PRR5L: variants seen among roughly 807,000 people sequenced by gnomAD.
PRR5L encodes proline rich 5 like.
Under a neutral mutation model 36.4 loss-of-function variants are expected in PRR5L, and 21 were observed. That is an observed-to-expected ratio of 0.58 (90% confidence interval 0.41 to 0.83). The LOEUF (loss-of-function observed/expected upper bound fraction) is 0.83. Among genes scored for constraint, PRR5L ranks in the 40% least tolerant of loss-of-function variants. The probability of loss-of-function intolerance (pLI) is 0.00; values close to 1 mark genes in which losing one functional copy is unlikely to be tolerated. For synonymous variants in PRR5L, 188 were observed against 197.0 expected, an observed-to-expected ratio of 0.95 and a Z score of 0.38; for missense variants, 381 against 473.3, an observed-to-expected ratio of 0.80 and a Z score of 1.81.
chr11:36,391,953 C>T (rs574018361), intron 1 of PRR5L, among the ~76,000 whole-genome samples: 1 of 152,190 alleles, frequency 6.6e-6, no homozygotes, highest in Admixed American at 6.5e-5. Flanking sequence ...TAACATCCCC[C>T]CTTCCTCCCA....
intron 7 of PRR5L, among the ~76,000 whole-genome samples, chr11:36,450,842 C>T (rs190195825): frequency 1.3e-5 from 2 of 152,294 alleles, no homozygotes; most frequent in Admixed American, 6.5e-5. Context: ...AGGAGACCTC[C>T]GTGCATTAAT....
At chr11:36,368,574 G>T (rs1279905446) in intron 1 of PRR5L, among the ~76,000 whole-genome samples, 1 of 152,172 alleles carries the variant, frequency 6.6e-6, no homozygotes, top group East Asian at 1.9e-4. Flanking sequence ...AGAAAACTAA[G>T]ATATTATTCA....
intron 1 of PRR5L, among the ~76,000 whole-genome samples, chr11:36,399,350 G>C (rs959270766): frequency 6.6e-6 from 1 of 152,114 alleles, no homozygotes; most frequent in Non-Finnish European, 1.5e-5. Flanking sequence ...CTGCCTCTTC[G>C]TATTACAAGT....
intron 4 of PRR5L, among the ~76,000 whole-genome samples, chr11:36,422,064 A>T (rs1199149394): frequency 6.6e-6 from 1 of 152,224 alleles, no homozygotes; most frequent in African/African-American, 2.4e-5. Flanking sequence ...TATAAGAAAA[A>T]TAGTATGCAA....
At position 36,403,431 on chromosome 11, in the gene PRR5L, G is replaced by C. The variant is rs551589173; in HGVS notation, c.245+53G>C. ...TTTTCCCCTATAAACCTGAGCAGGGGCATAGGGGCTACCGCCTTAGGAGCC... is the reference window on the plus strand; with the variant it reads ...TTTTCCCCTATAAACCTGAGCAGGGCCATAGGGGCTACCGCCTTAGGAGCC... On this transcript the variant is annotated intron_variant, in intron 3 of 8. Coordinates refer to ENST00000530639, the MANE Select transcript of PRR5L (RefSeq NM_001160167.2). The C allele has an allele frequency of 2.9e-5, 42 of 1,430,632 alleles. No individual in the cohort carries two copies. In the African/African-American group the frequency reaches 5.3e-4, roughly 18 times the overall value. 88.6% of individuals were successfully genotyped at this position (1,430,632 alleles called of 1,614,324 possible).
At chr11:36,451,187 A>T in intron 7 of PRR5L, 22 bp from the exon 8 acceptor site, 1 of 1,613,732 alleles carries the variant, frequency 6.2e-7, no homozygotes, top group Non-Finnish European at 8.5e-7. Flanking sequence ...ACCTTTGTGT[A>T]TCTTGGCTGT....
chr11:36,381,048 G>A (rs1026291533), intron 1 of PRR5L, among the ~76,000 whole-genome samples: 1 of 152,164 alleles, frequency 6.6e-6, no homozygotes, highest in Non-Finnish European at 1.5e-5. Flanking sequence ...ATAAAATTAT[G>A]TATTTACTCG....
chr11:36,384,836 CT>C (rs370922452), intron 1 of PRR5L, among the ~76,000 whole-genome samples: 24,690 of 133,066 alleles, frequency 0.19, 2,487 homozygotes, highest in East Asian at 0.46. Context: ...CCATGCCTGG[CT>C]TTTTTTTTTT....
Position 36,361,589 on chromosome 11 carries a change from G to C in PRR5L, c.-125-39408G>C, listed in dbSNP as rs147860817. ...AGTCACTGATCTCTAGGTATTTACTGTTTCTACCAGAGGAAAGAAATCATT... is the reference window on the plus strand; with the variant it reads ...AGTCACTGATCTCTAGGTATTTACTCTTTCTACCAGAGGAAAGAAATCATT... On this transcript the variant is annotated intron_variant, in intron 1 of 8. Transcript: ENST00000530639. Among the ~76,000 whole-genome samples the C allele has an allele frequency of 3.9e-5, 6 of 152,266 alleles. 1 individual carries two copies. Among genetic ancestry groups the C allele is most frequent in the African/African-American group, 1.2e-4 (5 of 41,548 alleles).
chr11:36,403,594 T>C (rs1857847723), intron 3 of PRR5L, among the ~76,000 whole-genome samples: 1 of 152,086 alleles, frequency 6.6e-6, no homozygotes, highest in Non-Finnish European at 1.5e-5. Flanking sequence ...GTTCAGTATG[T>C]AGTGTGTTTT....
Position 36,350,952 on chromosome 11 carries a change from T to A in PRR5L, c.-125-50045T>A, listed in dbSNP as rs905423819. Among the ~76,000 whole-genome samples, 16 of 36,298 alleles carry A rather than the reference T, an allele frequency of 4.4e-4. 1 individual carries two copies. The highest frequency in any genetic ancestry group is 1.5e-3 in the East Asian group (4 of 2,758). The allele number at this position is 36,298 out of a possible 152,430, so 23.8% of individuals were successfully genotyped here. ...TATTTATATATTTATATATATATAT[T>A]TATATATATTTATATATTTATATAT... On this transcript the variant is annotated intron_variant, in intron 1 of 8. Transcript: ENST00000530639.
At chr11:36,370,607 C>A (rs1197497953) in intron 1 of PRR5L, among the ~76,000 whole-genome samples, 2 of 152,122 alleles carry the variant, frequency 1.3e-5, no homozygotes, top group African/African-American at 4.8e-5. Flanking sequence ...AGAGGCCGGG[C>A]GAGGTGGCTC....
chr11:36,411,813 A>T (rs1269067159), intron 3 of PRR5L, among the ~76,000 whole-genome samples: 1 of 152,034 alleles, frequency 6.6e-6, no homozygotes, highest in Admixed American at 6.6e-5. Context: ...CTAACATATT[A>T]CCTGCTTTAT....
chr11:36,313,399 C>T (rs755918140), intron 1 of PRR5L, among the ~76,000 whole-genome samples: 3 of 152,132 alleles, frequency 2.0e-5, no homozygotes, highest in South Asian at 2.1e-4. Context: ...CGCCAATATT[C>T]GGGGCTCAAA....
At chr11:36,301,299 G>T (rs1380325093) in intron 1 of PRR5L, among the ~76,000 whole-genome samples, 3 of 152,170 alleles carry the variant, frequency 2.0e-5, no homozygotes, top group Non-Finnish European at 2.9e-5. Context: ...GCAGAGTTGT[G>T]ACCAGAGTGG....
intron 1 of PRR5L, among the ~76,000 whole-genome samples, chr11:36,395,893 T>C (rs1857649140): frequency 6.6e-6 from 1 of 152,044 alleles, no homozygotes; most frequent in African/African-American, 2.4e-5. Context: ...GAATAATTTA[T>C]TTTTATTTTT....
chr11:36,460,948 T>C (rs1168320879), intron 8 of PRR5L, among the ~76,000 whole-genome samples: 2 of 152,338 alleles, frequency 1.3e-5, no homozygotes. Context: ...AGTTCTGCCA[T>C]CCTAAAGGTC....
In PRR5L at chr11:36,361,231, A is replaced by C. The variant is rs140509725; in HGVS notation, c.-125-39766A>C. Among the ~76,000 whole-genome samples the C allele has an allele frequency of 2.9e-3, 441 of 152,312 alleles. 1 individual carries two copies. The highest frequency in any genetic ancestry group is 5.2e-3 in the Non-Finnish European group (356 of 68,020). On this transcript the variant is annotated intron_variant, in intron 1 of 8. Coordinates refer to ENST00000530639, the MANE Select transcript of PRR5L (RefSeq NM_001160167.2). ...GGAGGTGACATGGCATTGGTATTGC[A>C]ACAGACTAAGTGCACAGCAGATACG...
chr11:36,431,866 C>A lies in PRR5L; in HGVS notation c.308C>A (p.Ala103Glu). Reference protein sequence around the residue: ...ITDYFQNQLLAKGLFFVEEKI... With the variant: ...ITDYFQNQLLEKGLFFVEEKI... ...CTCTTTTGGCAGAACCAGCTTCTTG[C>A]AAAAGGACTGTTCTTTGTGGAGGAG... Residue 103 changes from alanine (A) to glutamate (E), a missense_variant, in exon 5 of 9, where the codon GCA (alanine) becomes GAA (glutamate). Transcript: ENST00000530639. 6.2e-7 allele frequency: 1 copy of A among 1,614,124 alleles called. No individual in the cohort carries two copies. The highest frequency in any genetic ancestry group is 8.5e-7 in the Non-Finnish European group (1 of 1,179,980).
Sources: gnomAD v4.1 joint callset for allele counts (sites outside exome capture counted in the v4.1 genomes callset) on GRCh38, gnomAD v4.1.1 for gene constraint, MANE v1.5 for transcripts, NCBI Gene and HGNC (gene_info 2026-07-23, HGNC 2026-07-21) for gene names.